Variants in DOCK11 observed in about 807,000 individuals in gnomAD.
DOCK11 encodes dedicator of cytokinesis 11.
DOCK11 carries 70 observed loss-of-function variants against 169.1 expected under a neutral mutation model. The observed-to-expected ratio is 0.41, with a 90% CI of 0.34 to 0.51. The LOEUF is 0.51. Ranked by LOEUF, DOCK11 falls within the 20% of genes least tolerant of loss-of-function variation. The pLI, the probability that DOCK11 is intolerant of heterozygous loss-of-function variation, is 0.10. For synonymous variants in DOCK11, 529 were observed against 541.3 expected (o/e 0.98, Z 0.32); for missense variants, 1,166 against 1,538.8 (o/e 0.76, Z 4.05).
intron 44 of DOCK11, among the ~76,000 whole-genome samples, chrX:118,656,893 C>G (rs1042348181): frequency 9.0e-6 from 1 of 111,650 alleles, no homozygotes; most frequent in African/African-American, 3.3e-5. Flanking sequence ...GATCACGCCA[C>G]TGCACTCCAG....
intron 35 of DOCK11, chrX:118,632,966 C>T (rs866278666): frequency 5.5e-4 from 1 of 1,820 alleles, no homozygotes; most frequent in East Asian, 0.02. Context: ...TGGTGGGGGG[C>T]GGTGGGGGGG....
chrX:118,627,662 A>AT, intron 33 of DOCK11, 83 bp downstream of exon 33: 1 of 702,347 alleles, frequency 1.4e-6, no homozygotes, highest in Non-Finnish European at 2.2e-6. Flanking sequence ...GATATATTTC[A>AT]TAATAAAGAC....
At chrX:118,612,374 C>T (rs1200218907) in intron 28 of DOCK11, among the ~76,000 whole-genome samples, 1 of 111,630 alleles carries the variant, frequency 9.0e-6, no homozygotes, top group African/African-American at 3.3e-5. Flanking sequence ...AAATAAACTA[C>T]GAATTAGATT....
intron 23 of DOCK11, among the ~76,000 whole-genome samples, chrX:118,602,985 A>G (rs1246836080): frequency 1.8e-5 from 2 of 112,210 alleles, no homozygotes; most frequent in Admixed American, 9.5e-5. Context: ...TAGAGAGATT[A>G]TAAGTGAGTG....
In DOCK11 at chrX:118,686,105, A is replaced by C. The variant is rs931806448; in HGVS notation, c.*298A>C. Reference sequence around the variant, plus strand: ...TGCTTAAAATAATGGTACTATGTAAAATTGTATAATGGAATACAATAAAAG... The same window carrying C: ...TGCTTAAAATAATGGTACTATGTAACATTGTATAATGGAATACAATAAAAG... On this transcript the variant is annotated 3_prime_UTR_variant, in exon 53 of 53. Coordinates refer to ENST00000276202, the MANE Select transcript of DOCK11 (RefSeq NM_144658.4). 5.3e-6 allele frequency: 1 copy of C among 189,533 alleles called. No individual in the cohort carries two copies. The highest frequency in any genetic ancestry group is 9.7e-6 in the Non-Finnish European group (1 of 103,540). 15.6% of individuals were successfully genotyped at this position (189,533 alleles called of 1,213,427 possible). A position where few individuals can be genotyped will look rare whatever the true frequency, so the allele number is the denominator to read the frequency against.
intron 13 of DOCK11, 106 bp from the exon 14 acceptor site, chrX:118,579,991 T>G: frequency 3.4e-6 from 2 of 594,303 alleles, no homozygotes; most frequent in Non-Finnish European, 5.0e-6. Context: ...TATATTTTTT[T>G]GAGATTTTTG....
intron 1 of DOCK11, among the ~76,000 whole-genome samples, chrX:118,498,302 T>C (rs1330469124): frequency 8.9e-6 from 1 of 112,984 alleles, no homozygotes; most frequent in Non-Finnish European, 1.9e-5. Flanking sequence ...TTTCATTATT[T>C]ACAATCTGGG....
chrX:118,598,920 T>C (rs1043772715), intron 22 of DOCK11, among the ~76,000 whole-genome samples: 2 of 112,131 alleles, frequency 1.8e-5, no homozygotes, highest in South Asian at 7.4e-4. Context: ...AATGAATCTT[T>C]AGCTAGTTGG....
chrX:118,662,974 T>C (rs1054101589), intron 45 of DOCK11, among the ~76,000 whole-genome samples, 182 bp downstream of exon 45: 5 of 112,173 alleles, frequency 4.5e-5, no homozygotes, highest in Non-Finnish European at 1.9e-5. Flanking sequence ...CTTGAACTGG[T>C]CCCATTGTCT....
intron 1 of DOCK11, among the ~76,000 whole-genome samples, chrX:118,498,965 G>C (rs1367739795): frequency 9.0e-6 from 1 of 111,338 alleles, no homozygotes; most frequent in Non-Finnish European, 1.9e-5. Context: ...CAGAGAGACT[G>C]TTCCACTGTT....
At chrX:118,574,946 C>T (rs941501481) in intron 12 of DOCK11, among the ~76,000 whole-genome samples, 3 of 111,651 alleles carry the variant, frequency 2.7e-5, no homozygotes, top group South Asian at 3.8e-4. Flanking sequence ...ATCATTTGCT[C>T]GCTAGACTTT....
intron 41 of DOCK11, among the ~76,000 whole-genome samples, chrX:118,651,126 A>C (rs1475150659): frequency 3.6e-5 from 4 of 111,738 alleles, no homozygotes; most frequent in African/African-American, 1.3e-4. Context: ...CATTCACCCA[A>C]GGGAGACTGA....
chrX:118,624,952 G>A (rs1209273475), intron 32 of DOCK11, among the ~76,000 whole-genome samples: 1 of 107,305 alleles, frequency 9.3e-6, no homozygotes. Flanking sequence ...CAGAGACAGG[G>A]TCTCACTGTG....
At position 118,546,124 on chromosome X, in the gene DOCK11, G is replaced by A; in HGVS notation, c.558+8G>A. 2.0e-6 allele frequency: 2 copies of A among 1,011,765 alleles called. No homozygotes were observed. Among genetic ancestry groups the A allele is most frequent in the Non-Finnish European group, 2.7e-6 (2 of 748,223 alleles). The allele number at this position is 1,011,765 out of a possible 1,213,427, so 83.4% of individuals were successfully genotyped here. On this transcript the variant is annotated splice_region_variant and intron_variant, in intron 6 of 52. Transcript: ENST00000276202. ...ATCACAGTAACCATGAAGGTAGGAAGTAGTTATTATATTATTCCATCATTT... is the reference window on the plus strand; with the variant it reads ...ATCACAGTAACCATGAAGGTAGGAAATAGTTATTATATTATTCCATCATTT...
chrX:118,545,205 G>T (rs188763670), intron 4 of DOCK11, 118 bp from the exon 5 acceptor site: 155 of 449,226 alleles, frequency 3.5e-4, no homozygotes, highest in Non-Finnish European at 1.5e-4. Context: ...GTTTGTGAAA[G>T]AAAGAAATCT....
chrX:118,553,671 C>T (rs2012580451), intron 6 of DOCK11, among the ~76,000 whole-genome samples: 1 of 111,602 alleles, frequency 9.0e-6, no homozygotes, highest in African/African-American at 3.3e-5. Flanking sequence ...GGGAGAACAT[C>T]AAATCAAATG....
At chrX:118,666,433 C>CATCT (rs1299862500) in intron 45 of DOCK11, among the ~76,000 whole-genome samples, 1 of 111,317 alleles carries the variant, frequency 9.0e-6, no homozygotes, top group African/African-American at 3.3e-5. Flanking sequence ...CCACCTCCAC[C>CATCT]ATCTGATTTC....
In DOCK11 at chrX:118,495,887, G is replaced by A. The variant is rs2057532055; in HGVS notation, c.-85G>A. On this transcript the variant is annotated 5_prime_UTR_variant, in exon 1 of 53. Coordinates refer to ENST00000276202, the MANE Select transcript of DOCK11 (RefSeq NM_144658.4). ...CGAGTAAACAGAGGGAGCAGCAGCG[G>A]CCGCGGCCGCCGCGGGCCGGGGCAG... 1.4e-5 allele frequency: 7 copies of A among 505,292 alleles called. No homozygotes were observed. In the South Asian group the frequency reaches 4.7e-4, roughly 34 times the overall value. The allele number at this position is 505,292 out of a possible 1,213,427, so 41.6% of individuals were successfully genotyped here. A position where few individuals can be genotyped will look rare whatever the true frequency, so the allele number is the denominator to read the frequency against.
In DOCK11 at chrX:118,681,575, T is replaced by G. The variant is rs1057469249; in HGVS notation, c.5863-119T>G. The G allele has an allele frequency of 9.7e-5, 48 of 496,067 alleles. No individual in the cohort carries two copies. In the East Asian group the frequency reaches 1.6e-3, roughly 17 times the overall value. 40.9% of individuals were successfully genotyped at this position (496,067 alleles called of 1,213,427 possible). The stretch of plus-strand genomic sequence containing the variant: ...GAAATAAACTTGAAATAAGCATATA[T>G]TTCTCAGATATGGATTTCTTGTATA... On this transcript the variant is annotated intron_variant, in intron 50 of 52. Transcript: ENST00000276202.
Sources: allele counts gnomAD v4.1 joint callset (sites outside exome capture counted in the v4.1 genomes callset), GRCh38; gene constraint gnomAD v4.1.1; transcripts MANE v1.5; gene names NCBI Gene and HGNC (gene_info 2026-07-23, HGNC 2026-07-21).